Variants in NAALADL2 observed in about 807,000 individuals in gnomAD.
NAALADL2 encodes the protein N-acetylated alpha-linked acidic dipeptidase like 2.
NAALADL2 carries 76 observed loss-of-function variants against 87.2 expected under a neutral mutation model. That is an observed-to-expected ratio of 0.87 (90% confidence interval 0.72 to 1.05). The LOEUF (loss-of-function observed/expected upper bound fraction) is 1.05. NAALADL2 is among the 50% of genes least tolerant of loss of function. The pLI, the probability that NAALADL2 is intolerant of heterozygous loss-of-function variation, is 0.00. For missense variants in NAALADL2, 1,089 were observed against 945.8 expected, an observed-to-expected ratio of 1.15 and a Z score of -1.99; for synonymous variants, 354 against 331.0, an observed-to-expected ratio of 1.07 and a Z score of -0.75.
At chr3:174,780,496 T>C (rs1026001123) in intron 3 of NAALADL2, among the ~76,000 whole-genome samples, 1 of 152,172 alleles carries the variant, frequency 6.6e-6, no homozygotes, top group African/African-American at 2.4e-5. Context: ...CTGATTGCCC[T>C]GGCCAGAACT....
chr3:174,671,534 AAC>A (rs1166767296), intron 2 of NAALADL2, among the ~76,000 whole-genome samples: 1 of 152,114 alleles, frequency 6.6e-6, no homozygotes, highest in African/African-American at 2.4e-5. Flanking sequence ...TTCTGTCCTT[AAC>A]ACAGTTTCCC....
At chr3:174,669,029 C>T (rs1726256245) in intron 2 of NAALADL2, among the ~76,000 whole-genome samples, 1 of 152,062 alleles carries the variant, frequency 6.6e-6, no homozygotes, top group African/African-American at 2.4e-5. Context: ...AGTTTATAGT[C>T]CCACCAACAG....
rs372681278 is a variant in NAALADL2, at chr3:175,413,072, G to C, written c.1091-34157G>C. ...CCCGGTTAATTTTTTTGTATTTTTA[G>C]TAGAGATGGGGTTTCACCGTGTTAG... is the stretch of plus-strand genomic sequence containing the variant. On this transcript the variant is annotated intron_variant, in intron 5 of 13. Coordinates refer to ENST00000454872, the MANE Select transcript of NAALADL2 (RefSeq NM_207015.3). Among the ~76,000 whole-genome samples, 9 of 148,276 alleles carry C rather than the reference G, an allele frequency of 6.1e-5. No individual in the cohort carries two copies. In the East Asian group the frequency reaches 8.4e-4, roughly 14 times the overall value.
chr3:174,509,206 A>G (rs1316735030), intron 1 of NAALADL2, among the ~76,000 whole-genome samples: 2 of 151,772 alleles, frequency 1.3e-5, no homozygotes, highest in African/African-American at 4.8e-5. Flanking sequence ...TTTCTTAGAG[A>G]GAAAGCATTC....
intron 3 of NAALADL2, among the ~76,000 whole-genome samples, chr3:174,770,869 A>G (rs537959216): frequency 6.6e-6 from 1 of 152,072 alleles, no homozygotes. Context: ...AGAAAAAAAA[A>G]GAAATACGTA....
rs1011170183 is a variant in NAALADL2, at chr3:175,544,318, C to G, written c.1654-31723C>G. 5.9e-5 allele frequency among the ~76,000 whole-genome samples: 9 copies of G among 152,220 alleles called. No individual in the cohort carries two copies. In the Middle Eastern group the frequency reaches 0.01, roughly 173 times the overall value. ...ATTGGTTTGCAGGAAATTTCTGATT[C>G]AAACAGTAATGTTAATTTATTGGCT... is the stretch of plus-strand genomic sequence containing the variant. On this transcript the variant is annotated intron_variant, in intron 9 of 13. Transcript: ENST00000454872.
In NAALADL2 at chr3:174,614,304, A is replaced by G. The variant is rs75304434; in HGVS notation, c.-115+63667A>G. 1.9e-3 allele frequency among the ~76,000 whole-genome samples: 294 copies of G among 152,218 alleles called. 2 individuals are homozygous for G. Among genetic ancestry groups the G allele is most frequent in the African/African-American group, 6.6e-3 (273 of 41,538 alleles). The stretch of plus-strand genomic sequence containing the variant: ...TCCTTGTAGCCTTGACTACCTTTCA[A>G]GTTTATTTAGAACTCCAGGGCACTT... On this transcript the variant is annotated intron_variant, in intron 2 of 3. Coordinates refer to the NAALADL2 transcript ENST00000434257.
At chr3:175,576,828 A>G (rs919092780) in intron 10 of NAALADL2, among the ~76,000 whole-genome samples, 12 of 152,114 alleles carry the variant, frequency 7.9e-5, no homozygotes, top group Admixed American at 7.2e-4. Flanking sequence ...CAAATTATTT[A>G]TGCATTATTC....
chr3:175,013,301 A>ATATATTT (rs1553916905), intron 1 of NAALADL2, among the ~76,000 whole-genome samples: 12 of 72,070 alleles, frequency 1.7e-4, no homozygotes, highest in African/African-American at 7.0e-4. Flanking sequence ...ATATATATAT[A>ATATATTT]TTTTTTTTTT....
intron 1 of NAALADL2, among the ~76,000 whole-genome samples, chr3:174,869,851 C>T (rs1727585202): frequency 6.6e-6 from 1 of 151,794 alleles, no homozygotes; most frequent in African/African-American, 2.4e-5. Flanking sequence ...ACAAAATTAG[C>T]TGGGCGTGGT....
intron 1 of NAALADL2, among the ~76,000 whole-genome samples, chr3:175,023,735 A>T (rs1751862853): frequency 6.6e-6 from 1 of 152,162 alleles, no homozygotes; most frequent in Admixed American, 6.6e-5. Flanking sequence ...AATGTGATTC[A>T]ACAAGAGACC....
chr3:174,883,116 T>C (rs1287401772), intron 1 of NAALADL2, among the ~76,000 whole-genome samples: 2 of 151,888 alleles, frequency 1.3e-5, no homozygotes, highest in African/African-American at 2.4e-5. Context: ...GACCAGTGTA[T>C]CTTTTCACAT....
intron 13 of NAALADL2, among the ~76,000 whole-genome samples, chr3:175,799,656 T>G (rs1439565742): frequency 1.3e-5 from 2 of 152,182 alleles, no homozygotes; most frequent in African/African-American, 4.8e-5. Context: ...TCTCTAAAAT[T>G]ATTTGGTTTC....
chr3:174,623,822 A>AT (rs1247762535), intron 2 of NAALADL2, among the ~76,000 whole-genome samples: 1 of 152,052 alleles, frequency 6.6e-6, no homozygotes. Context: ...TTATTAATGG[A>AT]TTTTTACAGA....
chr3:175,080,056 C>G (rs4437156), intron 1 of NAALADL2, among the ~76,000 whole-genome samples: 14,072 of 151,942 alleles, frequency 0.093, 754 homozygotes, highest in East Asian at 0.21. Flanking sequence ...AGCTCCGCCT[C>G]CCGGGTTCAC....
At chr3:174,765,164 G>GAC (rs1479005218) in intron 3 of NAALADL2, among the ~76,000 whole-genome samples, 4 of 150,682 alleles carry the variant, frequency 2.7e-5, no homozygotes, top group African/African-American at 9.8e-5. Flanking sequence ...GAGAGAGAGA[G>GAC]AGAGAGACAG....
chr3:175,785,852 C>A (rs1751863419), intron 13 of NAALADL2, among the ~76,000 whole-genome samples: 1 of 150,066 alleles, frequency 6.7e-6, no homozygotes, highest in South Asian at 2.1e-4. Flanking sequence ...CCGGTTGTTC[C>A]TTTCTGTGTT....
At chr3:175,094,532 C>G (rs948042032) in intron 1 of NAALADL2, among the ~76,000 whole-genome samples, 1 of 151,820 alleles carries the variant, frequency 6.6e-6, no homozygotes, top group Non-Finnish European at 1.5e-5. Context: ...TAACGTCATA[C>G]GTTACTTCCT....
At chr3:175,801,209 T>A (rs1754105926) in intron 13 of NAALADL2, among the ~76,000 whole-genome samples, 1 of 152,188 alleles carries the variant, frequency 6.6e-6, no homozygotes, top group Admixed American at 6.6e-5. Flanking sequence ...GACTAAGTGG[T>A]CTTCTGTTCT....
Sources: gnomAD v4.1 joint callset for allele counts (sites outside exome capture counted in the v4.1 genomes callset) on GRCh38, gnomAD v4.1.1 for gene constraint, MANE v1.5 for transcripts, NCBI Gene and HGNC (gene_info 2026-07-23, HGNC 2026-07-21) for gene names.